ARGLU1: variants seen among roughly 807,000 people sequenced by gnomAD.
ARGLU1 encodes arginine and glutamate rich 1.
In ARGLU1, 9 loss-of-function variants were observed where a neutral mutation model predicts 37.6. The ratio of observed to expected loss-of-function variants is 0.24; its 90% CI spans 0.14 to 0.42. The LOEUF is 0.42. Among genes scored for constraint, ARGLU1 ranks in the 10% least tolerant of loss-of-function variants. The pLI, the probability that ARGLU1 is intolerant of heterozygous loss-of-function variation, is 1.00. For missense variants in ARGLU1, 211 were observed against 359.2 expected, an observed-to-expected ratio of 0.59 and a Z score of 3.34; for synonymous variants, 166 against 138.5, an observed-to-expected ratio of 1.20 and a Z score of -1.39.
intron 3 of ARGLU1, among the ~76,000 whole-genome samples, chr13:106,555,580 G>T (rs1284140882): frequency 2.0e-5 from 3 of 152,144 alleles, no homozygotes; most frequent in Non-Finnish European, 4.4e-5. Flanking sequence ...TGCGAAAGTA[G>T]AGGTCTGAGA....
At position 106,557,189 on chromosome 13, in the gene ARGLU1, A is replaced by C; in HGVS notation, c.574-58T>G. On this transcript the variant is annotated intron_variant, in intron 2 of 3. Coordinates refer to ENST00000400198, the MANE Select transcript of ARGLU1 (RefSeq NM_018011.4). This position sits in a 1 kb window ranked among gnomAD's most constrained non-coding sequence, Gnocchi z 5.0. The stretch of plus-strand genomic sequence containing the variant: ...AACAAAATGTTTATTTTTATTGATA[A>C]ATATTTACTAATCTTCCTCTGAACT... 7.1e-7 allele frequency: 1 copy of C among 1,404,310 alleles called. No homozygotes were observed. The highest frequency in any genetic ancestry group is 1.0e-6 in the Non-Finnish European group (1 of 1,001,938). 87.0% of individuals were successfully genotyped at this position (1,404,310 alleles called of 1,614,324 possible).
Position 106,568,107 on chromosome 13 carries a change from T to G in ARGLU1, c.-188A>C, listed in dbSNP as rs1881030699. On this transcript the variant is annotated 5_prime_UTR_variant, in exon 1 of 4. Transcript: ENST00000400198. Reference sequence around the variant, plus strand: ...AAGGCCGCCTCCAACGAGAAACCCGTAGCGCCAGGCGCCCCTAAGATGGCA... The same window carrying G: ...AAGGCCGCCTCCAACGAGAAACCCGGAGCGCCAGGCGCCCCTAAGATGGCA... The G allele has an allele frequency of 3.4e-6, 3 of 877,480 alleles. No homozygotes were observed. The highest frequency in any genetic ancestry group is 2.0e-5 in the South Asian group (1 of 48,828). The allele number at this position is 877,480 out of a possible 1,614,324, so 54.4% of individuals were successfully genotyped here.
At chr13:106,544,716 A>C (rs1160059524) in intron 3 of ARGLU1, among the ~76,000 whole-genome samples, 1 of 152,204 alleles carries the variant, frequency 6.6e-6, no homozygotes, top group African/African-American at 2.4e-5. Context: ...AAAAAACAGA[A>C]ACATAGGAAA....
In ARGLU1 at chr13:106,567,828, G is replaced by C; in HGVS notation, c.92C>G (p.Ser31Cys). The change falls in exon 1 of 4, where the codon TCC becomes TGC. Residue 31 changes from serine to cysteine, a missense_variant. This residue lies in a region of ARGLU1 where 130 missense variants were observed against 179.8 expected (regional missense o/e 0.72). Coordinates refer to ENST00000400198, the MANE Select transcript of ARGLU1 (RefSeq NM_018011.4). The surrounding 1 kb of genome is among the most constrained non-coding windows in gnomAD (Gnocchi z 4.3). Reference sequence around the variant, plus strand: ...CTTCCGCACGCGCTCCTTGTCCCGGGATCGCGACCGGGACCGGCTGCGCTT... The same window carrying C: ...CTTCCGCACGCGCTCCTTGTCCCGGCATCGCGACCGGGACCGGCTGCGCTT... ...NKKRSRSRSRSRDKERVRKRS... is the reference protein window; with the variant it reads ...NKKRSRSRSRCRDKERVRKRS... 1 of 1,613,660 alleles carries C rather than the reference G, an allele frequency of 6.2e-7. No individual in the cohort carries two copies. The highest frequency in any genetic ancestry group is 8.5e-7 in the Non-Finnish European group (1 of 1,179,882).
intron 3 of ARGLU1, among the ~76,000 whole-genome samples, chr13:106,546,475 T>C (rs1880393207): frequency 6.6e-6 from 1 of 152,212 alleles, no homozygotes; most frequent in Non-Finnish European, 1.5e-5. Flanking sequence ...TCAGAATCTA[T>C]TTCAAATAGC....
chr13:106,558,267 A>G, intron 2 of ARGLU1: 1 of 983,886 alleles, frequency 1.0e-6, no homozygotes, highest in Non-Finnish European at 1.2e-6. Context: ...AATTTCATAC[A>G]TTCAATTTTA....
chr13:106,567,197 C>G lies in ARGLU1; in HGVS notation c.347+376G>C, dbSNP rs1461390991. ...CTCAAGCCGACCAGCAAACGCTCAC[C>G]ACCCTCCACATCTGCAGGCCGGCTC... On this transcript the variant is annotated intron_variant, in intron 1 of 3. Coordinates refer to ENST00000400198, the MANE Select transcript of ARGLU1 (RefSeq NM_018011.4). This position sits in a 1 kb window ranked among gnomAD's most constrained non-coding sequence, Gnocchi z 4.3. Among the ~76,000 whole-genome samples the G allele has an allele frequency of 6.6e-6, 1 of 152,062 alleles. No homozygotes were observed. The highest frequency in any genetic ancestry group is 1.5e-5 in the Non-Finnish European group (1 of 68,002).
intron 3 of ARGLU1, among the ~76,000 whole-genome samples, chr13:106,554,743 G>C (rs2138969713): frequency 6.6e-6 from 1 of 152,070 alleles, no homozygotes; most frequent in Non-Finnish European, 1.5e-5. Context: ...AAATTAGCCA[G>C]GTGTGGTGGT....
In ARGLU1 at chr13:106,543,023, A is replaced by T. The variant is rs1306986198; in HGVS notation, c.*973T>A. 6.6e-6 allele frequency: 1 copy of T among 152,044 alleles called. No homozygotes were observed. Among genetic ancestry groups the T allele is most frequent in the Non-Finnish European group, 1.5e-5 (1 of 67,930 alleles). 9.4% of individuals were successfully genotyped at this position (152,044 alleles called of 1,614,324 possible). A position where few individuals can be genotyped will look rare whatever the true frequency, so the allele number is the denominator to read the frequency against. ...CATTTTTCTAGCCTTTATTAAGTAT[A>T]CTTTGTGATAATACTTATATCCTAA... On this transcript the variant is annotated 3_prime_UTR_variant, in exon 4 of 4. Coordinates refer to ENST00000400198, the MANE Select transcript of ARGLU1 (RefSeq NM_018011.4).
At chr13:106,556,902 T>A (rs1013590144) in intron 3 of ARGLU1, 146 bp downstream of exon 3, 62 of 645,328 alleles carry the variant, frequency 9.6e-5, no homozygotes, top group Non-Finnish European at 1.7e-4. Flanking sequence ...ATTGTTCCTA[T>A]CCTTGCCTCA....
rs552891305 is a variant in ARGLU1 at position 106,559,915 on chromosome 13, T to A, written c.348-258A>T. On this transcript the variant is annotated intron_variant, in intron 1 of 3. Coordinates refer to ENST00000400198, the MANE Select transcript of ARGLU1 (RefSeq NM_018011.4). The stretch of plus-strand genomic sequence containing the variant: ...GAACAGGTATATACAAAGAGCCTAA[T>A]TCATTAGTTCTAATTTAGGAACAAT... Among the ~76,000 whole-genome samples, 47 of 152,322 alleles carry A rather than the reference T, an allele frequency of 3.1e-4. No homozygotes were observed. In the Middle Eastern group the frequency reaches 0.014, roughly 44 times the overall value.
At chr13:106,545,276 A>G (rs527587196) in intron 3 of ARGLU1, among the ~76,000 whole-genome samples, 121 of 152,278 alleles carry the variant, frequency 7.9e-4, no homozygotes, top group African/African-American at 2.8e-3. Context: ...AATATCAGTT[A>G]TCATGATTTA....
intron 2 of ARGLU1, chr13:106,558,003 G>A (rs1257169816): frequency 1.0e-6 from 1 of 985,190 alleles, no homozygotes; most frequent in South Asian, 4.7e-5. Flanking sequence ...AATTTAATGA[G>A]ATTTTATAAT....
chr13:106,544,631 G>A (rs1018989443), intron 3 of ARGLU1, among the ~76,000 whole-genome samples: 8 of 151,850 alleles, frequency 5.3e-5, no homozygotes, highest in South Asian at 2.1e-4. Context: ...ATTATAAACC[G>A]AGGTACAGAT....
chr13:106,563,808 C>T (rs1442469639), intron 1 of ARGLU1, among the ~76,000 whole-genome samples: 1 of 152,134 alleles, frequency 6.6e-6, no homozygotes, highest in East Asian at 1.9e-4. Flanking sequence ...TTCTAAGAAT[C>T]ACTTATATAG....
chr13:106,565,514 G>A (rs1010141332), intron 1 of ARGLU1, among the ~76,000 whole-genome samples: 2 of 152,154 alleles, frequency 1.3e-5, no homozygotes, highest in Non-Finnish European at 2.9e-5. Flanking sequence ...TCTTGGAGAA[G>A]GGCCAATCAT....
At position 106,567,322 on chromosome 13, in the gene ARGLU1, C is replaced by CTTAT. The variant is rs3832891; in HGVS notation, c.347+250_347+251insATAA. 0.67 allele frequency among the ~76,000 whole-genome samples: 101,681 copies of CTTAT among 151,074 alleles called. 34,814 individuals carry two copies. The highest frequency in any genetic ancestry group is 0.85 in the East Asian group (4,254 of 5,022). On this transcript the variant is annotated intron_variant, in intron 1 of 3. Transcript: ENST00000400198. The surrounding 1 kb of genome is among the most constrained non-coding windows in gnomAD (Gnocchi z 4.3). The stretch of plus-strand genomic sequence containing the variant: ...CTCTCTCGCGCCAAAATCGCCTTCT[C>CTTAT]TTAAACCCTTTCTGCTCAAGCCCTC...
intron 1 of ARGLU1, 28 bp from the exon 2 acceptor site, chr13:106,559,685 T>C: frequency 6.3e-6 from 10 of 1,592,030 alleles, no homozygotes; most frequent in Non-Finnish European, 8.5e-6. Context: ...AAAAACAAGT[T>C]AGGTATTTAC....
chr13:106,542,448 T>C lies in ARGLU1; in HGVS notation c.*1548A>G, dbSNP rs1433266656. The C allele has an allele frequency of 6.6e-6, 1 of 152,148 alleles. No homozygotes were observed. The highest frequency in any genetic ancestry group is 1.5e-5 in the Non-Finnish European group (1 of 67,992). The allele number at this position is 152,148 out of a possible 1,614,324, so 9.4% of individuals were successfully genotyped here. A position where few individuals can be genotyped will look rare whatever the true frequency, so the allele number is the denominator to read the frequency against. On this transcript the variant is annotated 3_prime_UTR_variant, in exon 4 of 4. Transcript: ENST00000400198. ...TACTAAAAGTTCTCACTATATTTCA[T>C]GCCTATTTAAAATTCTACCTTTAAA... is the stretch of plus-strand genomic sequence containing the variant.
Sources: allele counts gnomAD v4.1 joint callset (sites outside exome capture counted in the v4.1 genomes callset), GRCh38; gene constraint gnomAD v4.1.1; regional missense constraint gnomAD v4.1.1; non-coding constraint Gnocchi (gnomAD v3.1); transcripts MANE v1.5; gene names NCBI Gene and HGNC (gene_info 2026-07-23, HGNC 2026-07-21).